FNDC1: variants seen among roughly 807,000 people sequenced by gnomAD.
The protein encoded by FNDC1 is fibronectin type III domain containing 1.
In FNDC1, 96 loss-of-function variants were observed where a neutral mutation model predicts 168.0. That is an observed-to-expected ratio of 0.57 (90% CI 0.48 to 0.68). FNDC1 has a LOEUF of 0.68. Ranked by LOEUF, FNDC1 falls within the 30% of genes least tolerant of loss-of-function variation. The pLI is 0.00. For missense variants in FNDC1, 2,587 were observed against 2,482.1 expected (o/e 1.04, Z -0.90); for synonymous variants, 1,099 against 1,025.9 (o/e 1.07, Z -1.36).
rs1045056664 is a variant in FNDC1 at position 159,239,972 on chromosome 6, T to C, written c.4621+15T>C. On this transcript the variant is annotated intron_variant, in intron 14 of 22. Transcript: ENST00000297267. ...CGCTGAAGAAGGTAACTGCCTTTGT[T>C]CTAATGCTAACTACTTACCAGGCAC... The C allele has an allele frequency of 1.4e-5, 20 of 1,466,426 alleles. No homozygotes were observed. The highest frequency in any genetic ancestry group is 1.7e-5 in the Non-Finnish European group (19 of 1,103,592). 90.8% of individuals were successfully genotyped at this position (1,466,426 alleles called of 1,614,324 possible).
In FNDC1 at chr6:159,266,220, A is replaced by C; in HGVS notation, c.5421A>C (p.Lys1807Asn). Residue 1807 changes from lysine (K) to asparagine (N), a missense_variant, in exon 21 of 23, where the codon AAA becomes AAC. By Grantham distance (94) the Lys-to-Asn change is moderately conservative. Coordinates refer to ENST00000297267, the MANE Select transcript of FNDC1 (RefSeq NM_032532.3). ...GVVLCNSLRY[K>N]IYLSDNLKDT... ...TTCTTTGTAATTCACTGAGGTATAAAATCTACCTCAGTGACAACCTGAAAG... is the reference window on the plus strand; with the variant it reads ...TTCTTTGTAATTCACTGAGGTATAACATCTACCTCAGTGACAACCTGAAAG... 6.2e-7 allele frequency: 1 copy of C among 1,613,932 alleles called. No homozygotes were observed. The highest frequency in any genetic ancestry group is 8.5e-7 in the Non-Finnish European group (1 of 1,179,852).
intron 17 of FNDC1, among the ~76,000 whole-genome samples, chr6:159,252,162 C>T (rs1330683159): frequency 6.6e-6 from 1 of 152,182 alleles, no homozygotes; most frequent in Non-Finnish European, 1.5e-5. Flanking sequence ...TTTGAAGATA[C>T]ATCTTGAAAT....
chr6:159,205,238 TAA>T (rs1782462735), intron 4 of FNDC1, among the ~76,000 whole-genome samples: 1 of 152,248 alleles, frequency 6.6e-6, no homozygotes, highest in Non-Finnish European at 1.5e-5. Flanking sequence ...TTTGGCATTG[TAA>T]AGATTTCTTA....
intron 9 of FNDC1, among the ~76,000 whole-genome samples, chr6:159,227,856 G>A (rs931760233): frequency 2.6e-5 from 4 of 152,116 alleles, no homozygotes; most frequent in African/African-American, 9.7e-5. Context: ...AATATTTTAC[G>A]AAAGTTTATG....
Position 159,256,608 on chromosome 6 carries a change from T to G in FNDC1, c.5151T>G (p.Ile1717Met), listed in dbSNP as rs370846256. The G allele has an allele frequency of 2.2e-5, 35 of 1,613,516 alleles. No homozygotes were observed. In the African/African-American group the frequency reaches 4.3e-4, roughly 20 times the overall value. Residue 1717 changes from isoleucine (I) to methionine (M), a missense_variant, in exon 18 of 23, where the codon ATT becomes ATG. Ile to Met is a conservative substitution (Grantham distance 10). Coordinates refer to ENST00000297267, the MANE Select transcript of FNDC1 (RefSeq NM_032532.3). ...CTTCATCAGTAACTCACTTGCCCATTGAGAACCTAAAGCCCAACACGAGGT... is the reference window on the plus strand; with the variant it reads ...CTTCATCAGTAACTCACTTGCCCATGGAGAACCTAAAGCCCAACACGAGGT... The part of the protein sequence containing the change: ...TQASSVTHLP[I>M]ENLKPNTRYY...
chr6:159,249,257 T>C (rs1180853207), intron 16 of FNDC1, 75 bp downstream of exon 16: 1 of 1,433,764 alleles, frequency 7.0e-7, no homozygotes, highest in Non-Finnish European at 9.4e-7. Flanking sequence ...TTACTAATCT[T>C]TTGGCCTCGC....
chr6:159,242,403 T>C (rs1311569150), intron 14 of FNDC1, among the ~76,000 whole-genome samples: 1 of 152,164 alleles, frequency 6.6e-6, no homozygotes, highest in Admixed American at 6.5e-5. Context: ...ACTTAGGTGA[T>C]GGGTTGATCT....
intron 5 of FNDC1, among the ~76,000 whole-genome samples, chr6:159,215,871 G>C (rs1684457647): frequency 6.6e-6 from 1 of 152,214 alleles, no homozygotes; most frequent in Admixed American, 6.5e-5. Context: ...TGCCCACCCA[G>C]ATTGAGGGTG....
intron 9 of FNDC1, among the ~76,000 whole-genome samples, chr6:159,227,029 T>A (rs1782968704): frequency 6.6e-6 from 1 of 152,170 alleles, no homozygotes; most frequent in Non-Finnish European, 1.5e-5. Flanking sequence ...ATGGATTGAT[T>A]CCCTATTTGT....
intron 1 of FNDC1, among the ~76,000 whole-genome samples, chr6:159,194,373 C>T (rs1236843354): frequency 6.6e-6 from 1 of 152,148 alleles, no homozygotes; most frequent in Non-Finnish European, 1.5e-5. Flanking sequence ...GGATAGATAG[C>T]TTTAAAGAAT....
chr6:159,262,430 A>T (rs1393511065), intron 19 of FNDC1, among the ~76,000 whole-genome samples: 1 of 152,228 alleles, frequency 6.6e-6, no homozygotes, highest in South Asian at 2.1e-4. Context: ...ACATGTTTTC[A>T]TCTGTTTGTT....
chr6:159,239,832 C>T lies in FNDC1; in HGVS notation c.4496C>T (p.Thr1499Ile), dbSNP rs1783374206. 6.5e-7 allele frequency: 1 copy of T among 1,545,076 alleles called. No individual in the cohort carries two copies. Among genetic ancestry groups the T allele is most frequent in the Non-Finnish European group, 8.8e-7 (1 of 1,141,470 alleles). ...GTCCGAACCACTACGCGGACAACCA[C>T]CACCACCACCCCCACACCCACCACT... ...TTVRTTTRTT[T>I]TTTPTPTTPI... Residue 1499 changes from threonine to isoleucine, a missense_variant, in exon 14 of 23, where the codon ACC becomes ATC. Physicochemically the swap from Thr to Ile is moderately conservative, Grantham distance 89. Transcript: ENST00000297267.
At chr6:159,250,061 G>A (rs915301428) in intron 16 of FNDC1, among the ~76,000 whole-genome samples, 5 of 152,166 alleles carry the variant, frequency 3.3e-5, no homozygotes, top group African/African-American at 9.7e-5. Flanking sequence ...CTTCTCTCCC[G>A]GCAGTTCCAT....
At chr6:159,213,293 A>G (rs73021887) in intron 4 of FNDC1, among the ~76,000 whole-genome samples, 12,476 of 152,248 alleles carry the variant, frequency 0.082, 673 homozygotes, top group Non-Finnish European at 0.13. Flanking sequence ...CCACCGGCAG[A>G]CACTGCAGGC....
chr6:159,249,690 CT>C (rs1777218441), intron 16 of FNDC1, among the ~76,000 whole-genome samples: 1 of 152,278 alleles, frequency 6.6e-6, no homozygotes, highest in African/African-American at 2.4e-5. Flanking sequence ...TCATTTTACT[CT>C]TCTTTCTCAG....
chr6:159,269,617 A>G (rs568110946), intron 22 of FNDC1, among the ~76,000 whole-genome samples: 21 of 149,980 alleles, frequency 1.4e-4, no homozygotes, highest in African/African-American at 2.5e-4. Context: ...CTATCTATCT[A>G]TCTATCTATC....
chr6:159,233,199 C>T lies in FNDC1; in HGVS notation c.2687C>T (p.Ser896Phe), dbSNP rs1346088399. 1 of 1,612,692 alleles carries T rather than the reference C, an allele frequency of 6.2e-7. No homozygotes were observed. Among genetic ancestry groups the T allele is most frequent in the Non-Finnish European group, 8.5e-7 (1 of 1,179,434 alleles). The stretch of plus-strand genomic sequence containing the variant: ...ACCGTTGTCAATGACCACGTGCCTT[C>T]CTCCTCCAGGCAGCCCATCTCCCGG... ...PATVVNDHVP[S>F]SSRQPISRGW... Residue 896 changes from serine to phenylalanine, a missense_variant, in exon 11 of 23, where the codon TCC (serine) becomes TTC (phenylalanine). Coordinates refer to ENST00000297267, the MANE Select transcript of FNDC1 (RefSeq NM_032532.3). The surrounding 1 kb of genome is among the most constrained non-coding windows in gnomAD (Gnocchi z 4.6).
chr6:159,232,780 T>G lies in FNDC1; in HGVS notation c.2268T>G (p.Asn756Lys), dbSNP rs1175550440. 1 of 1,613,238 alleles carries G rather than the reference T, an allele frequency of 6.2e-7. No individual in the cohort carries two copies. Among genetic ancestry groups the G allele is most frequent in the African/African-American group, 1.3e-5 (1 of 74,910 alleles). The change falls in exon 11 of 23, where the codon AAT becomes AAG. Residue 756 changes from asparagine to lysine, a missense_variant. Coordinates refer to ENST00000297267, the MANE Select transcript of FNDC1 (RefSeq NM_032532.3). The surrounding 1 kb of genome is among the most constrained non-coding windows in gnomAD (Gnocchi z 4.9). ...AGGACGCCCCAGCCACCAACTCCAA[T>G]GCGCCATCACGGTCCACCATGTCCT... ...DGEDAPATNS[N>K]APSRSTMSSS...
At chr6:159,184,295 C>G (rs1720906886) in intron 1 of FNDC1, among the ~76,000 whole-genome samples, 2 of 152,336 alleles carry the variant, frequency 1.3e-5, no homozygotes, top group East Asian at 1.9e-4. Flanking sequence ...ATGGCTGGCA[C>G]TAAGTAGGTG....
Sources: allele counts gnomAD v4.1 joint callset (sites outside exome capture counted in the v4.1 genomes callset), GRCh38; gene constraint gnomAD v4.1.1; non-coding constraint Gnocchi (gnomAD v3.1); transcripts MANE v1.5; gene names NCBI Gene and HGNC (gene_info 2026-07-23, HGNC 2026-07-21).